Variants in TMEM117 observed in about 807,000 individuals in gnomAD.
TMEM117 encodes transmembrane protein 117.
TMEM117 carries 27 observed loss-of-function variants against 52.4 expected under a neutral mutation model. The ratio of observed to expected loss-of-function variants is 0.51; its 90% CI spans 0.38 to 0.71. The LOEUF (loss-of-function observed/expected upper bound fraction) is 0.71, where lower values mean the gene tolerates loss of function less well. Among genes scored for constraint, TMEM117 ranks in the 30% least tolerant of loss-of-function variants. The pLI, the probability that TMEM117 is intolerant of heterozygous loss-of-function variation, is 0.00. For synonymous variants in TMEM117, 215 were observed against 206.3 expected (o/e 1.04, Z -0.36); for missense variants, 556 against 630.5 (o/e 0.88, Z 1.26).
At chr12:44,347,280 G>T (rs1190577308) in intron 6 of TMEM117, among the ~76,000 whole-genome samples, 2 of 151,906 alleles carry the variant, frequency 1.3e-5, no homozygotes, top group African/African-American at 4.8e-5. Context: ...CTCTACTTAG[G>T]GTACATAGAT....
chr12:43,866,992 A>G (rs556852266), intron 2 of TMEM117, among the ~76,000 whole-genome samples: 1 of 152,232 alleles, frequency 6.6e-6, no homozygotes, highest in South Asian at 2.1e-4. Context: ...TGGGAGGTTG[A>G]AGCAGGAGAA....
At chr12:44,350,429 A>G (rs1231995957) in intron 6 of TMEM117, among the ~76,000 whole-genome samples, 6 of 152,032 alleles carry the variant, frequency 3.9e-5, no homozygotes, top group Non-Finnish European at 7.4e-5. Context: ...TTCAAAAGGT[A>G]CAATTAAATT....
At chr12:43,968,337 G>A (rs1321128611) in intron 3 of TMEM117, among the ~76,000 whole-genome samples, 1 of 152,190 alleles carries the variant, frequency 6.6e-6, no homozygotes, top group African/African-American at 2.4e-5. Context: ...TTAAGGACTA[G>A]CCTAATTGTA....
intron 4 of TMEM117, among the ~76,000 whole-genome samples, chr12:44,208,096 T>C (rs966896569): frequency 3.3e-5 from 5 of 151,498 alleles, no homozygotes; most frequent in African/African-American, 9.7e-5. Context: ...TGGCATCATA[T>C]AGGCTCACCT....
At chr12:44,255,555 A>G (rs1950250485) in intron 5 of TMEM117, among the ~76,000 whole-genome samples, 1 of 152,150 alleles carries the variant, frequency 6.6e-6, no homozygotes, top group Non-Finnish European at 1.5e-5. Context: ...ACAGCTGTGT[A>G]AGATAGCATG....
chr12:44,316,611 T>C (rs544889888), intron 6 of TMEM117, among the ~76,000 whole-genome samples: 2 of 152,272 alleles, frequency 1.3e-5, no homozygotes, highest in South Asian at 4.2e-4. Context: ...GATTTCTTGT[T>C]CCTGGGTGTC....
chr12:43,987,469 T>C (rs1288293399), intron 3 of TMEM117, among the ~76,000 whole-genome samples: 1 of 152,154 alleles, frequency 6.6e-6, no homozygotes, highest in Non-Finnish European at 1.5e-5. Context: ...ATTTCTGTTA[T>C]CTTGTCCCTA....
intron 4 of TMEM117, among the ~76,000 whole-genome samples, chr12:44,198,083 C>T (rs1422242857): frequency 6.6e-6 from 1 of 152,154 alleles, no homozygotes; most frequent in African/African-American, 2.4e-5. Flanking sequence ...TAACTGTATA[C>T]TCAGGTAATG....
At position 44,222,162 on chromosome 12, in the gene TMEM117, C is replaced by A. The variant is rs117939552; in HGVS notation, c.608+10775C>A. Among the ~76,000 whole-genome samples the A allele has an allele frequency of 2.3e-3, 355 of 152,232 alleles. 12 individuals carry two copies. In the East Asian group the frequency reaches 0.035, roughly 15 times the overall value. ...TCCTGTTTGATCTTTTAATTCCTAG[C>A]CTTGTGTCTCTGGTCATGAATTCCA... On this transcript the variant is annotated intron_variant, in intron 5 of 7. Transcript: ENST00000266534.
chr12:44,270,843 C>T (rs546916875), intron 5 of TMEM117, among the ~76,000 whole-genome samples: 40 of 151,944 alleles, frequency 2.6e-4, no homozygotes, highest in Non-Finnish European at 4.6e-4. Flanking sequence ...TGGATTTTCT[C>T]GGATGCTTTT....
At chr12:43,836,867 G>GA (rs1028692885) in intron 1 of TMEM117, among the ~76,000 whole-genome samples, 10 of 151,512 alleles carry the variant, frequency 6.6e-5, no homozygotes, top group South Asian at 2.1e-4. Context: ...AACCAAAAAG[G>GA]AAAAAAAATG....
At chr12:44,193,493 T>G (rs936559442) in intron 4 of TMEM117, among the ~76,000 whole-genome samples, 1 of 152,190 alleles carries the variant, frequency 6.6e-6, no homozygotes, top group Non-Finnish European at 1.5e-5. Flanking sequence ...GCACTTGTTT[T>G]TTCACTCATG....
At chr12:43,820,316 C>T in the TMEM117 span, among the ~76,000 whole-genome samples, 4 of 152,078 alleles carry the variant, frequency 2.6e-5, no homozygotes, top group African/African-American at 9.7e-5. Flanking sequence ...CTCTGTCGCC[C>T]ACGCTGGAGT....
At chr12:44,389,955 C>T (rs529841399), downstream of TMEM117, among the ~76,000 whole-genome samples, 5 of 152,022 alleles carry the variant, frequency 3.3e-5, no homozygotes, top group African/African-American at 4.8e-5. Flanking sequence ...AATTATTTTC[C>T]TGTCACACAC....
At chr12:43,805,283 T>C in the TMEM117 span, among the ~76,000 whole-genome samples, 1 of 152,232 alleles carries the variant, frequency 6.6e-6, no homozygotes, top group African/African-American at 2.4e-5. Flanking sequence ...TATTTATATA[T>C]CGAAATTAAT....
At chr12:44,254,575 A>C (rs989016588) in intron 5 of TMEM117, among the ~76,000 whole-genome samples, 3 of 152,032 alleles carry the variant, frequency 2.0e-5, no homozygotes, top group Non-Finnish European at 2.9e-5. Flanking sequence ...TAATATGGAA[A>C]ATATCCATAA....
intron 3 of TMEM117, chr12:44,010,070 G>C (rs1485299122): frequency 2.4e-6 from 1 of 425,260 alleles, no homozygotes; most frequent in African/African-American, 2.1e-5. Context: ...CTCTCTCACA[G>C]ACCCATTAGT....
intron 3 of TMEM117, among the ~76,000 whole-genome samples, chr12:44,010,472 A>ATTT (rs1158159864): frequency 6.6e-6 from 1 of 152,042 alleles, no homozygotes; most frequent in Non-Finnish European, 1.5e-5. Flanking sequence ...CAGTTTTCCC[A>ATTT]TTCTATCCCT....
intron 6 of TMEM117, among the ~76,000 whole-genome samples, chr12:44,359,495 A>C (rs77130918): frequency 6.6e-6 from 1 of 152,040 alleles, no homozygotes; most frequent in African/African-American, 2.4e-5. Flanking sequence ...TATATATCAT[A>C]AAGTTTGCAT....
Sources: allele counts gnomAD v4.1 joint callset (sites outside exome capture counted in the v4.1 genomes callset), GRCh38; gene constraint gnomAD v4.1.1; transcripts MANE v1.5; gene names NCBI Gene and HGNC (gene_info 2026-07-23, HGNC 2026-07-21).